EYS: variants seen among roughly 807,000 people sequenced by gnomAD.
The protein encoded by EYS is EGF-like photoreceptor maintenance factor, also known as protein eyes shut homolog.
Under a neutral mutation model 282.1 loss-of-function variants are expected in EYS, and 250 were observed. The observed-to-expected ratio is 0.89, with a 90% CI of 0.80 to 0.98. The LOEUF (loss-of-function observed/expected upper bound fraction) is 0.98, where lower values mean the gene tolerates loss of function less well. Ranked by LOEUF, EYS falls within the 50% of genes least tolerant of loss-of-function variation. EYS has a pLI of 0.00. For synonymous variants in EYS, 1,355 were observed against 1,282.9 expected, an observed-to-expected ratio of 1.06 and a Z score of -1.20; for missense variants, 4,016 against 3,709.0, an observed-to-expected ratio of 1.08 and a Z score of -2.15.
intron 35 of EYS, among the ~76,000 whole-genome samples, chr6:63,939,662 T>C (rs1162650859): frequency 6.6e-6 from 1 of 152,060 alleles, no homozygotes; most frequent in Non-Finnish European, 1.5e-5. Context: ...TTGAAGTTTG[T>C]GACAGTTTGA....
intron 22 of EYS, among the ~76,000 whole-genome samples, chr6:64,704,893 T>C (rs775601588): frequency 2.0e-5 from 3 of 152,062 alleles, no homozygotes; most frequent in South Asian, 2.1e-4. Flanking sequence ...GAAAAGTTAA[T>C]AGCATTCCCG....
At chr6:64,533,698 T>C (rs1396129438) in intron 26 of EYS, among the ~76,000 whole-genome samples, 1 of 152,030 alleles carries the variant, frequency 6.6e-6, no homozygotes, top group Non-Finnish European at 1.5e-5. Context: ...AATACTTGTT[T>C]AAGCTAATGT....
chr6:64,412,065 C>A (rs1020445112), intron 28 of EYS, among the ~76,000 whole-genome samples: 1 of 142,388 alleles, frequency 7.0e-6, no homozygotes, highest in African/African-American at 2.5e-5. Context: ...AAATTTAATA[C>A]TTCATTACTA....
chr6:64,712,593 C>G (rs768512544), intron 22 of EYS, among the ~76,000 whole-genome samples: 4 of 152,200 alleles, frequency 2.6e-5, no homozygotes, highest in Non-Finnish European at 5.9e-5. Context: ...AGTGAATGAT[C>G]CCAGTGGAAT....
At chr6:64,674,384 T>C (rs1439216369) in intron 22 of EYS, among the ~76,000 whole-genome samples, 1 of 146,886 alleles carries the variant, frequency 6.8e-6, no homozygotes, top group Non-Finnish European at 1.5e-5. Flanking sequence ...TCTTATGTGA[T>C]GGGAAGGGAT....
intron 15 of EYS, among the ~76,000 whole-genome samples, chr6:64,941,564 T>C (rs1769091364): frequency 6.6e-6 from 1 of 152,044 alleles, no homozygotes; most frequent in Non-Finnish European, 1.5e-5. Flanking sequence ...ACCCAGGTAG[T>C]GAGCATAGTA....
In EYS at chr6:63,995,097, G is replaced by A. The variant is rs1301862819; in HGVS notation, c.6834+3978C>T. On this transcript the variant is annotated intron_variant, in intron 34 of 42. Coordinates refer to ENST00000503581, the MANE Select transcript of EYS (RefSeq NM_001142800.2). ...AGAGTGAAAAGGAAACCTACAGAAT[G>A]GGAGAAAATATTTTCAAACCATATG... 5.3e-5 allele frequency among the ~76,000 whole-genome samples: 8 copies of A among 152,054 alleles called. No homozygotes were observed. The East Asian group carries it at 1.5e-3, about 29-fold the overall frequency.
intron 35 of EYS, among the ~76,000 whole-genome samples, chr6:63,961,388 C>T (rs1766052186): frequency 6.6e-6 from 1 of 151,654 alleles, no homozygotes. Context: ...GAAATTCCTT[C>T]TCCTGGCTCA....
intron 12 of EYS, among the ~76,000 whole-genome samples, chr6:65,251,465 AC>A (rs1416334402): frequency 1.3e-5 from 2 of 151,406 alleles, no homozygotes; most frequent in East Asian, 1.9e-4. Flanking sequence ...ACAAAAAAAA[AC>A]AACAAAAATG....
At chr6:63,840,036 A>G (rs1029571630) in intron 36 of EYS, among the ~76,000 whole-genome samples, 7 of 141,918 alleles carry the variant, frequency 4.9e-5, no homozygotes, top group Non-Finnish European at 1.5e-5. Context: ...TATTCAGCTC[A>G]TTTGCCCATT....
In EYS at chr6:65,096,164, T is replaced by A. The variant is rs146755172; in HGVS notation, c.2024-38437A>T. Among the ~76,000 whole-genome samples the A allele has an allele frequency of 1.3e-4, 19 of 151,082 alleles. No homozygotes were observed. In the East Asian group the frequency reaches 3.7e-3, roughly 29 times the overall value. On this transcript the variant is annotated intron_variant, in intron 12 of 42. Coordinates refer to ENST00000503581, the MANE Select transcript of EYS (RefSeq NM_001142800.2). ...AAAATTTAGTTTTTTAAATGGTAAG[T>A]ATAAATTACATATATACTTAAAATC...
intron 30 of EYS, among the ~76,000 whole-genome samples, chr6:64,265,676 C>T (rs1225205518): frequency 1.3e-5 from 2 of 152,126 alleles, no homozygotes; most frequent in Non-Finnish European, 2.9e-5. Context: ...TTAGTCACAT[C>T]TGAGTACTTC....
At chr6:63,956,642 G>C (rs1466660669) in intron 35 of EYS, among the ~76,000 whole-genome samples, 1 of 152,148 alleles carries the variant, frequency 6.6e-6, no homozygotes, top group East Asian at 1.9e-4. Flanking sequence ...CAAGTGCAAT[G>C]TGATGTTTTG....
At chr6:64,544,912 T>G (rs1764803616) in intron 26 of EYS, among the ~76,000 whole-genome samples, 1 of 152,102 alleles carries the variant, frequency 6.6e-6, no homozygotes, top group South Asian at 2.1e-4. Context: ...CAGGACCAGA[T>G]GGATTCACAG....
rs1347436527 is a variant in EYS at position 64,912,582 on chromosome 6, T to C, written c.2543A>G (p.Gln848Arg). The C allele has an allele frequency of 3.2e-6, 5 of 1,551,166 alleles. No homozygotes were observed. The highest frequency in any genetic ancestry group is 4.4e-6 in the Non-Finnish European group (5 of 1,146,680). The change falls in exon 16 of 43, where the codon CAA (glutamine) becomes CGA (arginine). Residue 848 changes from glutamine (Q) to arginine (R), a missense_variant. Transcript: ENST00000503581. Reference sequence around the variant, plus strand: ...AAGTAGGTCACAAAGGTTATAGCGTTGGTGGCAAAATTGTCCAGTATAAAG... The same window carrying C: ...AAGTAGGTCACAAAGGTTATAGCGTCGGTGGCAAAATTGTCCAGTATAAAG... Reference protein sequence around the residue: ...PPLYTGQFCHQRYNLCDLLHN... With the variant: ...PPLYTGQFCHRRYNLCDLLHN...
intron 26 of EYS, among the ~76,000 whole-genome samples, chr6:64,514,502 T>C (rs1777502986): frequency 6.6e-6 from 1 of 151,864 alleles, no homozygotes; most frequent in African/African-American, 2.4e-5. Context: ...AGCAGAAGAC[T>C]TTATATTTTA....
rs188867099 is a variant in EYS at position 64,144,866 on chromosome 6, C to T, written c.6425-62864G>A. 1.8e-4 allele frequency among the ~76,000 whole-genome samples: 28 copies of T among 152,120 alleles called. No homozygotes were observed. In the East Asian group the frequency reaches 5.0e-3, roughly 27 times the overall value. On this transcript the variant is annotated intron_variant, in intron 31 of 42. Coordinates refer to ENST00000503581, the MANE Select transcript of EYS (RefSeq NM_001142800.2). ...GGATGGAAAAAATGCTCTTTTTTTC[C>T]AAATTTTCTATGATACTGTGAACAA...
At chr6:65,414,631 T>C (rs1423891008) in intron 5 of EYS, among the ~76,000 whole-genome samples, 2 of 152,014 alleles carry the variant, frequency 1.3e-5, no homozygotes, top group East Asian at 1.9e-4. Flanking sequence ...TTTTCTAAGA[T>C]AAGGAAAAAG....
At chr6:64,577,308 ATTAAGAC>A (rs1765914270) in intron 26 of EYS, among the ~76,000 whole-genome samples, 1 of 152,114 alleles carries the variant, frequency 6.6e-6, no homozygotes, top group African/African-American at 2.4e-5. Flanking sequence ...TGGTGTCACA[ATTAAGAC>A]TTAGAGTAAA....
Sources: allele counts gnomAD v4.1 joint callset (sites outside exome capture counted in the v4.1 genomes callset), GRCh38; gene constraint gnomAD v4.1.1; transcripts MANE v1.5; gene names NCBI Gene and HGNC (gene_info 2026-07-23, HGNC 2026-07-21).